Variants in ELAVL2 observed in about 807,000 individuals in gnomAD.
The protein encoded by ELAVL2 is ELAV-like protein 2.
A neutral mutation model predicts 34.6 loss-of-function variants in ELAVL2; 4 were observed. The ratio of observed to expected loss-of-function variants is 0.12; its 90% confidence interval spans 0.06 to 0.26. The LOEUF is 0.26. ELAVL2 is among the 10% of genes least tolerant of loss of function. The pLI is 1.00. For synonymous variants in ELAVL2, 193 were observed against 154.8 expected, an observed-to-expected ratio of 1.25 and a Z score of -1.83; for missense variants, 432 against 442.8, an observed-to-expected ratio of 0.98 and a Z score of 0.22.
chr9:23,753,171 A>G (rs919802687), intron 2 of ELAVL2, among the ~76,000 whole-genome samples: 4 of 152,198 alleles, frequency 2.6e-5, no homozygotes, highest in Non-Finnish European at 5.9e-5. Context: ...AAATGCCAGA[A>G]AATATCTGTT....
intron 2 of ELAVL2, among the ~76,000 whole-genome samples, chr9:23,737,802 C>T (rs947397978): frequency 1.3e-5 from 2 of 152,112 alleles, no homozygotes; most frequent in African/African-American, 4.8e-5. Flanking sequence ...CACTATGGTC[C>T]TCTCTGTCAA....
chr9:23,818,242 G>T (rs560893857), intron 1 of ELAVL2, among the ~76,000 whole-genome samples: 6 of 152,160 alleles, frequency 3.9e-5, no homozygotes, highest in Non-Finnish European at 8.8e-5. Flanking sequence ...CCTTCAAACA[G>T]TTCTATAATA....
intron 1 of ELAVL2, chr9:23,821,697 G>C (rs1363098198): frequency 3.3e-5 from 5 of 152,484 alleles, no homozygotes; most frequent in Non-Finnish European, 5.9e-5. Context: ...TCCGCGGAGA[G>C]GCGGTGGCGG....
rs895587729 is a variant in ELAVL2 at position 23,725,526 on chromosome 9, C to G, written c.333+5496G>C. On this transcript the variant is annotated intron_variant, in intron 3 of 6. Transcript: ENST00000397312. ...ACTTACATTCCTGCCTGCATACCCTCTCCTCCTTCTTTACAGTGGGGGCTG... is the reference window on the plus strand; with the variant it reads ...ACTTACATTCCTGCCTGCATACCCTGTCCTCCTTCTTTACAGTGGGGGCTG... 2.0e-5 allele frequency among the ~76,000 whole-genome samples: 3 copies of G among 152,186 alleles called. No homozygotes were observed. The East Asian group carries it at 5.8e-4, about 29-fold the overall frequency.
intron 2 of ELAVL2, among the ~76,000 whole-genome samples, chr9:23,760,028 A>C (rs979517247): frequency 6.6e-6 from 1 of 151,762 alleles, no homozygotes; most frequent in Non-Finnish European, 1.5e-5. Context: ...TGTATTAAAG[A>C]ATACCCATGT....
At chr9:23,830,624 A>ACACACACAC (rs34847005), upstream of ELAVL2, among the ~76,000 whole-genome samples, 1 of 124,072 alleles carries the variant, frequency 8.1e-6, no homozygotes, top group African/African-American at 2.9e-5. Flanking sequence ...ACACACACAC[A>ACACACACAC]CCTTTTTTTT....
At chr9:23,780,229 T>A (rs1418936863) in intron 1 of ELAVL2, among the ~76,000 whole-genome samples, 1 of 152,056 alleles carries the variant, frequency 6.6e-6, no homozygotes, top group Non-Finnish European at 1.5e-5. Context: ...ATAATCATTT[T>A]ACACTTGTTT....
At chr9:23,794,961 A>T (rs2060737126) in intron 1 of ELAVL2, among the ~76,000 whole-genome samples, 2 of 152,288 alleles carry the variant, frequency 1.3e-5, no homozygotes, top group East Asian at 3.9e-4. Context: ...TCTTTAACCA[A>T]ATTTCCCACC....
chr9:23,750,754 A>G (rs1161493674), intron 2 of ELAVL2, among the ~76,000 whole-genome samples: 1 of 152,196 alleles, frequency 6.6e-6, no homozygotes, highest in African/African-American at 2.4e-5. Context: ...AGAGCAAACT[A>G]CAATTCATTT....
At chr9:23,698,591 C>G (rs943259791) in intron 5 of ELAVL2, among the ~76,000 whole-genome samples, 1 of 152,056 alleles carries the variant, frequency 6.6e-6, no homozygotes, top group Non-Finnish European at 1.5e-5. Context: ...TACATGTCTG[C>G]TGAAAGGTGA....
chr9:23,750,098 C>T (rs1479168099), intron 2 of ELAVL2, among the ~76,000 whole-genome samples: 1 of 150,522 alleles, frequency 6.6e-6, no homozygotes. Flanking sequence ...GAATATTAGA[C>T]ATCCTCCTTA....
intron 2 of ELAVL2, among the ~76,000 whole-genome samples, chr9:23,733,499 G>T (rs998267531): frequency 1.4e-4 from 22 of 152,218 alleles, no homozygotes; most frequent in African/African-American, 4.8e-4. Flanking sequence ...CTGCTGGGAG[G>T]TCTAAGAAAG....
At chr9:23,751,836 G>C (rs2052133633) in intron 2 of ELAVL2, among the ~76,000 whole-genome samples, 1 of 152,110 alleles carries the variant, frequency 6.6e-6, no homozygotes, top group African/African-American at 2.4e-5. Flanking sequence ...ATACCACATA[G>C]AGCAATAATT....
intron 3 of ELAVL2, among the ~76,000 whole-genome samples, chr9:23,713,306 G>C (rs1486362180): frequency 6.6e-6 from 1 of 152,136 alleles, no homozygotes; most frequent in Non-Finnish European, 1.5e-5. Flanking sequence ...ATACTTAACA[G>C]AAAATAAAAC....
At chr9:23,765,505 C>G (rs2056039509) in intron 1 of ELAVL2, among the ~76,000 whole-genome samples, 1 of 151,950 alleles carries the variant, frequency 6.6e-6, no homozygotes, top group Admixed American at 6.6e-5. Context: ...CATGCAATTC[C>G]TAAGTGATTG....
In ELAVL2 at chr9:23,796,847, T is replaced by G. The variant is rs541372793; in HGVS notation, c.-16+28959A>C. Among the ~76,000 whole-genome samples, 11 of 152,344 alleles carry G rather than the reference T, an allele frequency of 7.2e-5. 1 individual carries two copies. The East Asian group carries it at 2.1e-3, about 29-fold the overall frequency. On this transcript the variant is annotated intron_variant, in intron 1 of 6. Coordinates refer to ENST00000397312, the MANE Select transcript of ELAVL2 (RefSeq NM_004432.5). ...GGTTATTCTACTGATTCAATATCAG[T>G]CATGGAATATACTAGAGAAAATAGA...
At chr9:23,817,736 T>A (rs1326784795) in intron 1 of ELAVL2, among the ~76,000 whole-genome samples, 1 of 152,152 alleles carries the variant, frequency 6.6e-6, no homozygotes, top group Admixed American at 6.5e-5. Flanking sequence ...ATGATACACA[T>A]CACACAAGCT....
intron 1 of ELAVL2, among the ~76,000 whole-genome samples, chr9:23,823,269 A>G (rs952318314): frequency 6.6e-6 from 1 of 152,164 alleles, no homozygotes; most frequent in Non-Finnish European, 1.5e-5. Context: ...GGCACGCGGG[A>G]TTGCTAAAAA....
intron 1 of ELAVL2, among the ~76,000 whole-genome samples, chr9:23,800,160 C>T (rs984448963): frequency 6.6e-6 from 1 of 152,142 alleles, no homozygotes; most frequent in African/African-American, 2.4e-5. Flanking sequence ...AGGGCTTCAC[C>T]ATAAAGCATC....
Sources: allele counts gnomAD v4.1 joint callset (sites outside exome capture counted in the v4.1 genomes callset), GRCh38; gene constraint gnomAD v4.1.1; transcripts MANE v1.5; gene names NCBI Gene and HGNC (gene_info 2026-07-23, HGNC 2026-07-21).